The following PNPLA8 variants were observed in gnomAD, a reference collection of about 807,000 sequenced individuals.
PNPLA8 encodes the protein calcium-independent phospholipase A2-gamma.
In PNPLA8, 39 loss-of-function variants were observed where a neutral mutation model predicts 76.9. The observed-to-expected ratio is 0.51, with a 90% CI of 0.39 to 0.66. The LOEUF is 0.66. Ranked by LOEUF, PNPLA8 falls within the 30% of genes least tolerant of loss-of-function variation. The pLI, the probability that PNPLA8 is intolerant of heterozygous loss-of-function variation, is 0.00. For synonymous variants in PNPLA8, 301 were observed against 307.9 expected (o/e 0.98, Z 0.24); for missense variants, 887 against 918.0 (o/e 0.97, Z 0.44).
intron 9 of PNPLA8, among the ~76,000 whole-genome samples, chr7:108,484,456 G>A (rs1860604866): frequency 6.6e-6 from 1 of 152,040 alleles, no homozygotes; most frequent in Non-Finnish European, 1.5e-5. Context: ...GAACTCCTGA[G>A]CTCAAGCGAT....
chr7:108,510,131 A>G, intron 4 of PNPLA8: 1 of 592,484 alleles, frequency 1.7e-6, no homozygotes, highest in Non-Finnish European at 2.9e-6. Context: ...TACATATGTA[A>G]CTAACCTGCA....
At chr7:108,516,300 G>C (rs908407416) in intron 2 of PNPLA8, among the ~76,000 whole-genome samples, 1 of 152,152 alleles carries the variant, frequency 6.6e-6, no homozygotes, top group Non-Finnish European at 1.5e-5. Flanking sequence ...AGAGAGTCCA[G>C]AAACAGACCC....
chr7:108,488,072 T>C (rs911941406), intron 8 of PNPLA8, 119 bp from the exon 9 acceptor site: 29 of 476,398 alleles, frequency 6.1e-5, no homozygotes, highest in African/African-American at 5.6e-4. Context: ...GTAACAAATA[T>C]AATGCTGAAA....
chr7:108,527,526 G>A (rs751528804), upstream of PNPLA8, among the ~76,000 whole-genome samples: 1 of 152,180 alleles, frequency 6.6e-6, no homozygotes, highest in Non-Finnish European at 1.5e-5. Context: ...AAATGTCAAG[G>A]AAGACATTTA....
chr7:108,486,459 G>A (rs1860743186), intron 9 of PNPLA8, among the ~76,000 whole-genome samples: 1 of 152,032 alleles, frequency 6.6e-6, no homozygotes. Context: ...TCAGCAGCCA[G>A]TACTTTCTGC....
In PNPLA8 at chr7:108,471,742, A is replaced by G. The variant is rs1353354319; in HGVS notation, c.*659T>C. ...GATCTGGAAAAGTTAATATAGCATT[A>G]TCTTGAAATTTCAGGGGTAAAAAGT... On this transcript the variant is annotated 3_prime_UTR_variant, in exon 11 of 11. Transcript: ENST00000257694. 2 of 152,244 alleles carry G rather than the reference A, an allele frequency of 1.3e-5. No individual in the cohort carries two copies. The highest frequency in any genetic ancestry group is 2.9e-5 in the Non-Finnish European group (2 of 68,042). The allele number at this position is 152,244 out of a possible 1,614,324, so 9.4% of individuals were successfully genotyped here. A position where few individuals can be genotyped will look rare whatever the true frequency, so the allele number is the denominator to read the frequency against.
chr7:108,512,892 A>G (rs1253076642), intron 4 of PNPLA8, among the ~76,000 whole-genome samples: 1 of 152,188 alleles, frequency 6.6e-6, no homozygotes, highest in Non-Finnish European at 1.5e-5. Flanking sequence ...TCAATTAGCA[A>G]GACTATTTAA....
At chr7:108,511,729 T>C (rs965000685) in intron 4 of PNPLA8, among the ~76,000 whole-genome samples, 1 of 152,170 alleles carries the variant, frequency 6.6e-6, no homozygotes, top group Non-Finnish European at 1.5e-5. Flanking sequence ...TTGGATCTAA[T>C]CAGTTACATA....
In PNPLA8 at chr7:108,514,228, AGTT is replaced by A; in HGVS notation, c.1119_1121del (p.Thr374del). The A allele has an allele frequency of 6.2e-7, 1 of 1,610,014 alleles. No homozygotes were observed. Among genetic ancestry groups the A allele is most frequent in the Non-Finnish European group, 8.5e-7 (1 of 1,176,240 alleles). On this transcript the variant is annotated inframe_deletion, in exon 4 of 11. Transcript: ENST00000257694. ...CCCTAGTAATGCAGAGCTTTGGGTC[AGTT>A]GTTCTTCTTAATGCCTGAACTAATG... is the stretch of plus-strand genomic sequence containing the variant.
Position 108,515,062 on chromosome 7 carries a change from A to G in PNPLA8, c.430T>C (p.Trp144Arg). The G allele has an allele frequency of 1.2e-6, 2 of 1,608,014 alleles. No individual in the cohort carries two copies. Among genetic ancestry groups the G allele is most frequent in the Non-Finnish European group, 8.5e-7 (1 of 1,179,562 alleles). Reference sequence around the variant, plus strand: ...TGTTTGATGTTTTTCTGTTTTAACCAGCCACTATCCGATACTTTTCTTAAA... The same window carrying G: ...TGTTTGATGTTTTTCTGTTTTAACCGGCCACTATCCGATACTTTTCTTAAA... ...QILRKVSDSG[W>R]LKQKNIKQAI... Residue 144 changes from tryptophan (W) to arginine (R), a missense_variant, in exon 3 of 11, where the codon TGG (tryptophan) becomes CGG (arginine). Transcript: ENST00000257694.
intron 4 of PNPLA8, among the ~76,000 whole-genome samples, chr7:108,505,049 TG>T (rs776780573): frequency 6.6e-6 from 1 of 151,862 alleles, no homozygotes; most frequent in Non-Finnish European, 1.5e-5. Flanking sequence ...CACTCCAGCC[TG>T]GGCAACAAGA....
intron 10 of PNPLA8, among the ~76,000 whole-genome samples, chr7:108,478,677 C>A (rs1017221250): frequency 2.6e-5 from 4 of 152,138 alleles, no homozygotes; most frequent in African/African-American, 9.7e-5. Context: ...CTGGTATGAG[C>A]CATCGTGCCC....
At position 108,472,601 on chromosome 7, in the gene PNPLA8, T is replaced by C; in HGVS notation, c.2149A>G (p.Ile717Val). 1 of 1,612,856 alleles carries C rather than the reference T, an allele frequency of 6.2e-7. No homozygotes were observed. The highest frequency in any genetic ancestry group is 8.5e-7 in the Non-Finnish European group (1 of 1,179,474). Reference protein sequence around the residue: ...FRFNPVMCENIPLDESRNEKL... With the variant: ...FRFNPVMCENVPLDESRNEKL... ...TCATTTCGACTTTCATCTAGAGGTA[T>C]GTTTTCACACATTACAGGATTGAAT... Residue 717 changes from isoleucine to valine, a missense_variant, in exon 11 of 11, where the codon ATA becomes GTA. Coordinates refer to ENST00000257694, the MANE Select transcript of PNPLA8 (RefSeq NM_001256007.3).
chr7:108,507,603 G>A (rs1862554349), intron 4 of PNPLA8, among the ~76,000 whole-genome samples: 2 of 151,784 alleles, frequency 1.3e-5, no homozygotes, highest in South Asian at 2.1e-4. Context: ...TGAAGACTAT[G>A]GCACTGCATT....
Position 108,502,512 on chromosome 7 carries a change from G to C in PNPLA8, c.1337C>G (p.Ser446Ter). 2.1e-6 allele frequency: 3 copies of C among 1,417,552 alleles called. No homozygotes were observed. The highest frequency in any genetic ancestry group is 2.3e-5 in the South Asian group (2 of 87,554). 87.8% of individuals were successfully genotyped at this position (1,417,552 alleles called of 1,614,324 possible). Reference sequence around the variant, plus strand: ...TTACCTTGTTCCTCCACCATCAATTGAGAGAATTCGGATTCCTCTCCCTTT... The same window carrying C: ...TTACCTTGTTCCTCCACCATCAATTCAGAGAATTCGGATTCCTCTCCCTTT... ...PVKGRGIRILSIDGGGTRGVV... is the reference protein window; with the variant it reads ...PVKGRGIRIL Residue 446 changes from serine to a stop codon, truncating the protein, a stop_gained, in exon 5 of 11, where the codon TCA (serine) becomes TGA (stop). Transcript: ENST00000257694. LOFTEE classifies it high-confidence loss of function.
chr7:108,476,818 A>G (rs1053993126), intron 10 of PNPLA8, among the ~76,000 whole-genome samples: 2 of 152,202 alleles, frequency 1.3e-5, no homozygotes, highest in Admixed American at 6.5e-5. Flanking sequence ...AAAAAGAAGG[A>G]AATCCTGCCA....
chr7:108,510,808 G>C, intron 4 of PNPLA8: 1 of 1,600,924 alleles, frequency 6.2e-7, no homozygotes, highest in African/African-American at 1.3e-5. Flanking sequence ...TGATTCATGA[G>C]ATCTATACTG....
At chr7:108,516,874 C>A (rs1343022204) in intron 2 of PNPLA8, among the ~76,000 whole-genome samples, 1 of 152,008 alleles carries the variant, frequency 6.6e-6, no homozygotes, top group African/African-American at 2.4e-5. Context: ...TGCACTCCAG[C>A]CTGGGTGATA....
At chr7:108,481,717 G>A (rs1860409606) in intron 9 of PNPLA8, among the ~76,000 whole-genome samples, 1 of 152,112 alleles carries the variant, frequency 6.6e-6, no homozygotes, top group Admixed American at 6.5e-5. Flanking sequence ...TAAATTTCAT[G>A]TATGATGATT....
Sources: gnomAD v4.1 joint callset for allele counts (sites outside exome capture counted in the v4.1 genomes callset) on GRCh38, gnomAD v4.1.1 for gene constraint, MANE v1.5 for transcripts, NCBI Gene and HGNC (gene_info 2026-07-23, HGNC 2026-07-21) for gene names.